Variants in OR7E24 observed in about 807,000 individuals in gnomAD.
OR7E24 encodes the protein olfactory receptor family 7 subfamily E member 24.
For missense variants in OR7E24, 385 were observed against 410.3 expected, an observed-to-expected ratio of 0.94 and a Z score of 0.53; for synonymous variants, 130 against 157.5, an observed-to-expected ratio of 0.83 and a Z score of 1.31.
chr19:9,245,634 G>C (rs116589925), upstream of OR7E24, among the ~76,000 whole-genome samples: 8,035 of 152,166 alleles, frequency 0.053, 434 homozygotes, highest in African/African-American at 0.14. Flanking sequence ...TATTAAATTC[G>C]AACTCAATTG....
chr19:9,215,675 T>G, the OR7E24 span, among the ~76,000 whole-genome samples: 1 of 152,204 alleles, frequency 6.6e-6, no homozygotes, highest in Non-Finnish European at 1.5e-5. Context: ...AAAAATGCCA[T>G]ATGCACGGTA....
the OR7E24 span, among the ~76,000 whole-genome samples, chr19:9,241,435 T>A: frequency 6.6e-6 from 1 of 152,102 alleles, no homozygotes. Context: ...CAGAACTAAG[T>A]GGATGTTGTA....
the OR7E24 span, among the ~76,000 whole-genome samples, chr19:9,241,266 G>T: frequency 6.6e-6 from 1 of 152,190 alleles, no homozygotes; most frequent in Non-Finnish European, 1.5e-5. Flanking sequence ...GCAGCAGAAT[G>T]TGTTAGCCTA....
chr19:9,221,641 G>A, the OR7E24 span, among the ~76,000 whole-genome samples: 1 of 151,848 alleles, frequency 6.6e-6, no homozygotes, highest in African/African-American at 2.4e-5. Context: ...GTGAGCCACC[G>A]CGCCAGGCTG....
the OR7E24 span, among the ~76,000 whole-genome samples, chr19:9,218,783 G>T: frequency 6.6e-6 from 1 of 152,030 alleles, no homozygotes; most frequent in African/African-American, 2.4e-5. Context: ...TGTAAGCTAA[G>T]GTGTCAGGCT....
At chr19:9,223,264 C>T in the OR7E24 span, among the ~76,000 whole-genome samples, 1 of 152,196 alleles carries the variant, frequency 6.6e-6, no homozygotes, top group African/African-American at 2.4e-5. Flanking sequence ...ACCATTCGGA[C>T]ATTCCGAAGC....
the OR7E24 span, among the ~76,000 whole-genome samples, chr19:9,220,443 A>T: frequency 6.6e-6 from 1 of 152,210 alleles, no homozygotes; most frequent in Non-Finnish European, 1.5e-5. Context: ...GTTAGATTCC[A>T]CATATGAGTG....
chr19:9,214,527 A>T, the OR7E24 span: 60 of 1,614,120 alleles, frequency 3.7e-5, 1 homozygote, highest in South Asian at 2.3e-4. Context: ...AAACATCATT[A>T]AAAAATACAC....
the OR7E24 span, among the ~76,000 whole-genome samples, chr19:9,222,468 A>C: frequency 1.3e-5 from 2 of 152,028 alleles, no homozygotes; most frequent in Non-Finnish European, 2.9e-5. Flanking sequence ...ATCTTCTTTA[A>C]TTTCTTTCAA....
the OR7E24 span, among the ~76,000 whole-genome samples, chr19:9,216,920 A>G: frequency 1.3e-5 from 2 of 152,156 alleles, no homozygotes; most frequent in African/African-American, 4.8e-5. Context: ...ATTACAATAA[A>G]TCTGTCTTTC....
chr19:9,247,796 T>C (rs1278403312), upstream of OR7E24, among the ~76,000 whole-genome samples: 7 of 152,226 alleles, frequency 4.6e-5, no homozygotes, highest in African/African-American at 1.7e-4. Context: ...TCATTTGCTC[T>C]TAATAGCCAT....
chr19:9,245,843 T>G (rs1461335047), upstream of OR7E24, among the ~76,000 whole-genome samples: 2 of 152,084 alleles, frequency 1.3e-5, no homozygotes, highest in Non-Finnish European at 2.9e-5. Flanking sequence ...CCCTCGTGAC[T>G]GGGCCTCATG....
chr19:9,233,744 G>A, the OR7E24 span, among the ~76,000 whole-genome samples: 1 of 152,144 alleles, frequency 6.6e-6, no homozygotes, highest in Non-Finnish European at 1.5e-5. Flanking sequence ...AAGAACGGAA[G>A]CTCACATTTA....
the OR7E24 span, among the ~76,000 whole-genome samples, chr19:9,234,022 G>A: frequency 6.6e-6 from 1 of 151,506 alleles, no homozygotes; most frequent in Admixed American, 6.6e-5. Context: ...TCCTGCCTCA[G>A]CCTCCCAAGT....
chr19:9,231,471 T>C, the OR7E24 span, among the ~76,000 whole-genome samples: 3 of 152,132 alleles, frequency 2.0e-5, no homozygotes, highest in Non-Finnish European at 4.4e-5. Flanking sequence ...TCCCAGCTAC[T>C]TGGGAGGCTG....
Position 9,251,543 on chromosome 19 carries a change from T to C in OR7E24, c.500T>C (p.Phe167Ser). The change falls in exon 1 of 1, where the codon TTT becomes TCT. Residue 167 changes from phenylalanine to serine, a missense_variant. Transcript: ENST00000456448. Reference sequence around the variant, plus strand: ...TGTGGCTTCTTAATCTTGTTGTCTTTTTTTATTAGTCTTTTGGACTCCCAG... The same window carrying C: ...TGTGGCTTCTTAATCTTGTTGTCTTCTTTTATTAGTCTTTTGGACTCCCAG... ...RLCGFLILLS[F>S]FISLLDSQLH... 6.2e-7 allele frequency: 1 copy of C among 1,614,172 alleles called. No individual in the cohort carries two copies. The highest frequency in any genetic ancestry group is 8.5e-7 in the Non-Finnish European group (1 of 1,180,032).
At chr19:9,214,730 C>G in the OR7E24 span, 2 of 1,613,998 alleles carry the variant, frequency 1.2e-6, no homozygotes, top group African/African-American at 1.3e-5. Flanking sequence ...GCACCGTGAC[C>G]AGGTACATGG....
chr19:9,237,959 C>T, the OR7E24 span, among the ~76,000 whole-genome samples: 5 of 151,972 alleles, frequency 3.3e-5, no homozygotes, highest in Non-Finnish European at 7.4e-5. Context: ...ATCTCCACAT[C>T]CTTGCCAATA....
chr19:9,251,861 G>A lies in OR7E24; in HGVS notation c.818G>A (p.Gly273Glu), dbSNP rs374983080. The part of the protein sequence containing the change: ...LAVVCLFYGT[G>E]LVGYLSSAVL... ...GTTGTTTGCTTATTTTATGGAACAG[G>A]GCTTGTAGGGTACCTCAGTTCAGCT... is the stretch of plus-strand genomic sequence containing the variant. Residue 273 changes from glycine to glutamate, a missense_variant, in exon 1 of 1, where the codon GGG becomes GAG. Physicochemically the swap from Gly to Glu is moderately conservative, Grantham distance 98. Transcript: ENST00000456448. 8 of 1,613,944 alleles carry A rather than the reference G, an allele frequency of 5.0e-6. No individual in the cohort carries two copies. The African/African-American group carries it at 6.7e-5, about 13-fold the overall frequency.
Sources: gnomAD v4.1 joint callset for allele counts (sites outside exome capture counted in the v4.1 genomes callset) on GRCh38, gnomAD v4.1.1 for gene constraint, MANE v1.5 for transcripts, NCBI Gene and HGNC (gene_info 2026-07-23, HGNC 2026-07-21) for gene names.